AMPH: variants seen among roughly 807,000 people sequenced by gnomAD.
AMPH encodes amphiphysin (Stiff-Mann syndrome with breast cancer 128kD autoantigen).
AMPH carries 49 observed loss-of-function variants against 99.1 expected under a neutral mutation model. The ratio of observed to expected loss-of-function variants is 0.49; its 90% confidence interval spans 0.39 to 0.63. AMPH has a LOEUF of 0.63. AMPH is among the 20% of genes least tolerant of loss of function. AMPH has a pLI of 0.00. For missense variants in AMPH, 759 were observed against 863.4 expected, an observed-to-expected ratio of 0.88 and a Z score of 1.52; for synonymous variants, 314 against 317.3, an observed-to-expected ratio of 0.99 and a Z score of 0.11.
intron 7 of AMPH, among the ~76,000 whole-genome samples, chr7:38,466,637 A>C (rs1787664098): frequency 6.6e-6 from 1 of 151,998 alleles, no homozygotes; most frequent in Non-Finnish European, 1.5e-5. Context: ...ACGCTTATGG[A>C]ACCCCCGCCC....
intron 17 of AMPH, among the ~76,000 whole-genome samples, chr7:38,408,288 C>T (rs995729145): frequency 2.0e-5 from 3 of 152,162 alleles, no homozygotes; most frequent in Admixed American, 6.5e-5. Context: ...TTGATACATT[C>T]ACTTAAATTG....
chr7:38,533,466 G>A (rs1259382112), intron 2 of AMPH, among the ~76,000 whole-genome samples: 1 of 152,146 alleles, frequency 6.6e-6, no homozygotes, highest in African/African-American at 2.4e-5. Flanking sequence ...GAGACATTCA[G>A]GAATGCGTTT....
chr7:38,445,082 T>C (rs1786720170), intron 11 of AMPH, among the ~76,000 whole-genome samples: 1 of 149,664 alleles, frequency 6.7e-6, no homozygotes, highest in African/African-American at 2.4e-5. Flanking sequence ...TACACATATA[T>C]ACATGGTATA....
intron 11 of AMPH, among the ~76,000 whole-genome samples, chr7:38,449,883 T>A (rs538478149): frequency 2.6e-5 from 4 of 152,324 alleles, no homozygotes; most frequent in African/African-American, 7.2e-5. Context: ...GATGCATATG[T>A]TCATAACTGC....
intron 2 of AMPH, among the ~76,000 whole-genome samples, chr7:38,509,661 C>G (rs1233108246): frequency 2.0e-5 from 3 of 152,138 alleles, no homozygotes; most frequent in East Asian, 3.9e-4. Flanking sequence ...GTTTTTCTCT[C>G]TGTGTGTGAG....
intron 1 of AMPH, among the ~76,000 whole-genome samples, chr7:38,616,693 C>T (rs957231626): frequency 2.0e-5 from 3 of 152,118 alleles, no homozygotes; most frequent in African/African-American, 7.2e-5. Context: ...GATGGCAATA[C>T]GGATGAATCT....
intron 2 of AMPH, among the ~76,000 whole-genome samples, chr7:38,532,655 G>A (rs566947951): frequency 1.0e-3 from 152 of 151,800 alleles, no homozygotes; most frequent in Non-Finnish European, 2.0e-3. Context: ...TTCTGCCAAT[G>A]TAGTTGATGA....
intron 5 of AMPH, among the ~76,000 whole-genome samples, chr7:38,488,610 G>A (rs1253541081): frequency 1.3e-5 from 2 of 152,212 alleles, no homozygotes; most frequent in Admixed American, 6.5e-5. Flanking sequence ...CATGGCACAC[G>A]TATACCTATG....
intron 2 of AMPH, among the ~76,000 whole-genome samples, chr7:38,519,878 G>A (rs533705234): frequency 3.3e-5 from 5 of 152,064 alleles, no homozygotes; most frequent in Admixed American, 3.3e-4. Flanking sequence ...ATTAACCTAG[G>A]TACCTATCAG....
rs138214814 is a variant in AMPH at position 38,538,600 on chromosome 7, G to A, written c.70-3589C>T. Among the ~76,000 whole-genome samples the A allele has an allele frequency of 6.6e-3, 1,006 of 152,324 alleles. 11 individuals are homozygous for A. The highest frequency in any genetic ancestry group is 0.023 in the African/African-American group (937 of 41,566). ...GAGGTCTGCACTCCTTGGTGACAATGTTAGGGACAGATTAGAAGAAGGCAA... is the reference window on the plus strand; with the variant it reads ...GAGGTCTGCACTCCTTGGTGACAATATTAGGGACAGATTAGAAGAAGGCAA... On this transcript the variant is annotated intron_variant, in intron 1 of 20. Transcript: ENST00000356264.
Position 38,419,482 on chromosome 7 carries a change from A to G in AMPH, c.1273-1532T>C, listed in dbSNP as rs569967439. On this transcript the variant is annotated intron_variant, in intron 16 of 20. Coordinates refer to ENST00000356264, the MANE Select transcript of AMPH (RefSeq NM_001635.4). Reference sequence around the variant, plus strand: ...TTTCAGCTTTAAGAGGTGGCCTGACATAATTTTTAAGGAAGAATGAGATAA... The same window carrying G: ...TTTCAGCTTTAAGAGGTGGCCTGACGTAATTTTTAAGGAAGAATGAGATAA... 1.4e-4 allele frequency among the ~76,000 whole-genome samples: 22 copies of G among 152,352 alleles called. 1 individual carries two copies. The Middle Eastern group carries it at 0.01, about 71-fold the overall frequency.
chr7:38,550,246 G>C (rs1039852387), intron 1 of AMPH, among the ~76,000 whole-genome samples: 5 of 152,130 alleles, frequency 3.3e-5, no homozygotes, highest in African/African-American at 7.2e-5. Flanking sequence ...CCTCACCAGG[G>C]AGCTTGCTAG....
At chr7:38,526,092 G>T (rs1016599446) in intron 2 of AMPH, among the ~76,000 whole-genome samples, 1 of 152,064 alleles carries the variant, frequency 6.6e-6, no homozygotes, top group Non-Finnish European at 1.5e-5. Context: ...CCAAATCCTT[G>T]CCAGCATTTA....
At chr7:38,525,277 T>TATATATAGAGAGAGAGAG (rs1481528083) in intron 2 of AMPH, among the ~76,000 whole-genome samples, 14 of 86,660 alleles carry the variant, frequency 1.6e-4, no homozygotes, top group African/African-American at 6.2e-4. Flanking sequence ...TATATATATA[T>TATATATAGAGAGAGAGAG]AGAGAGAGAG....
At chr7:38,497,513 A>G (rs1027746101) in intron 3 of AMPH, among the ~76,000 whole-genome samples, 2 of 152,162 alleles carry the variant, frequency 1.3e-5, no homozygotes, top group Non-Finnish European at 2.9e-5. Context: ...GTGAGCTTCT[A>G]TTTTCATCCT....
At chr7:38,584,470 G>A (rs1479218406) in intron 1 of AMPH, among the ~76,000 whole-genome samples, 1 of 152,184 alleles carries the variant, frequency 6.6e-6, no homozygotes, top group African/African-American at 2.4e-5. Context: ...CCGCAGTGAG[G>A]TTAGTCATTT....
intron 2 of AMPH, among the ~76,000 whole-genome samples, chr7:38,510,051 A>C (rs1380153671): frequency 6.6e-6 from 1 of 152,174 alleles, no homozygotes; most frequent in East Asian, 1.9e-4. Flanking sequence ...TGAAACTGCC[A>C]TTTATGATGT....
rs780570325 is a variant in AMPH, at chr7:38,394,035, T to G, written c.1578A>C (p.Glu526Asp). 6.2e-7 allele frequency: 1 copy of G among 1,614,210 alleles called. No homozygotes were observed. Among genetic ancestry groups the G allele is most frequent in the East Asian group, 2.2e-5 (1 of 44,876 alleles). Residue 526 changes from glutamate (E) to aspartate (D), a missense_variant, in exon 18 of 21, where the codon GAA (glutamate) becomes GAC (aspartate). Coordinates refer to ENST00000356264, the MANE Select transcript of AMPH (RefSeq NM_001635.4). ...TTEGAESAQP[E>D]AEELEATVPQ... is the part of the protein sequence containing the mutation. ...GCACTGTTGCTTCGAGCTCCTCTGC[T>G]TCAGGTTGGGCACTCTCTGCACCCT...
intron 12 of AMPH, among the ~76,000 whole-genome samples, chr7:38,432,499 T>C (rs1786071557): frequency 1.3e-5 from 2 of 152,272 alleles, no homozygotes; most frequent in South Asian, 4.1e-4. Flanking sequence ...AAATGGCACT[T>C]AGCTTTGGAT....
Sources: gnomAD v4.1 joint callset for allele counts (sites outside exome capture counted in the v4.1 genomes callset) on GRCh38, gnomAD v4.1.1 for gene constraint, MANE v1.5 for transcripts, NCBI Gene and HGNC (gene_info 2026-07-23, HGNC 2026-07-21) for gene names.